Variants in DEPTOR observed in about 807,000 individuals in gnomAD.
DEPTOR encodes the protein DEP domain-containing mTOR-interacting protein.
Under a neutral mutation model 41.6 loss-of-function variants are expected in DEPTOR, and 41 were observed. The ratio of observed to expected loss-of-function variants is 0.98; its 90% confidence interval spans 0.77 to 1.28. The LOEUF (loss-of-function observed/expected upper bound fraction) is 1.28. DEPTOR is among the 50% of genes most tolerant of loss of function. The probability of loss-of-function intolerance (pLI) is 0.00; values close to 1 mark genes in which losing one functional copy is unlikely to be tolerated. For missense variants in DEPTOR, 514 were observed against 527.9 expected (o/e 0.97, Z 0.26); for synonymous variants, 195 against 192.3 (o/e 1.01, Z -0.12).
At chr8:119,890,261 C>T (rs1451319878) in intron 1 of DEPTOR, among the ~76,000 whole-genome samples, 1 of 145,108 alleles carries the variant, frequency 6.9e-6, no homozygotes, top group Non-Finnish European at 1.5e-5. Context: ...GGCAAGGTGT[C>T]CATTGTTATA....
intron 8 of DEPTOR, among the ~76,000 whole-genome samples, chr8:120,010,117 G>A (rs999071158): frequency 6.6e-6 from 1 of 151,740 alleles, no homozygotes; most frequent in Non-Finnish European, 1.5e-5. Context: ...CTACTAGCTC[G>A]TTGACTTTGA....
At chr8:119,907,355 C>G (rs2129772296) in intron 1 of DEPTOR, among the ~76,000 whole-genome samples, 1 of 152,056 alleles carries the variant, frequency 6.6e-6, no homozygotes, top group South Asian at 2.1e-4. Flanking sequence ...ATATTTTCTT[C>G]CCAGAATGAT....
At chr8:119,899,432 A>G (rs955646201) in intron 1 of DEPTOR, among the ~76,000 whole-genome samples, 3 of 152,238 alleles carry the variant, frequency 2.0e-5, no homozygotes, top group Non-Finnish European at 2.9e-5. Flanking sequence ...AATTGGACCC[A>G]AAAGGCATGC....
chr8:120,004,213 G>C (rs1812398773), intron 6 of DEPTOR, among the ~76,000 whole-genome samples: 1 of 152,194 alleles, frequency 6.6e-6, no homozygotes, highest in Non-Finnish European at 1.5e-5. Context: ...TCATCTAATG[G>C]TATTATCTAG....
rs189431411 is a variant in DEPTOR, at chr8:119,950,740, G to A, written c.426-14492G>A. ...CTCCCGAGTAGCTGGGATTACAGGC[G>A]TGCACCACTATGCCCAGCTAATTAT... On this transcript the variant is annotated intron_variant, in intron 3 of 8. Transcript: ENST00000286234. 2.7e-3 allele frequency among the ~76,000 whole-genome samples: 411 copies of A among 152,062 alleles called. 2 individuals are homozygous for A. Among genetic ancestry groups the A allele is most frequent in the African/African-American group, 8.3e-3 (346 of 41,490 alleles).
In DEPTOR at chr8:119,873,902, G is replaced by C. The variant is rs1394056927; in HGVS notation, c.56G>C (p.Ser19Thr). 1.9e-6 allele frequency: 3 copies of C among 1,613,572 alleles called. No homozygotes were observed. Among genetic ancestry groups the C allele is most frequent in the Non-Finnish European group, 2.5e-6 (3 of 1,179,846 alleles). ...GGCAGTGACAGCAGCACCAGCGGGA[G>C]TGGCGGGGCGCAGCAAAGGGAGCTG... ...SAGSDSSTSG[S>T]GGAQQRELER... Residue 19 changes from serine to threonine, a missense_variant, in exon 1 of 9, where the codon AGT (serine) becomes ACT (threonine). Ser to Thr is a moderately conservative substitution (Grantham distance 58). Transcript: ENST00000286234.
At chr8:120,032,519 C>A (rs954064810) in intron 8 of DEPTOR, among the ~76,000 whole-genome samples, 2 of 152,150 alleles carry the variant, frequency 1.3e-5, no homozygotes, top group African/African-American at 4.8e-5. Context: ...CCACACCCAG[C>A]CAACACTAAC....
Position 120,029,307 on chromosome 8 carries a change from T to C in DEPTOR, c.1101+20174T>C, listed in dbSNP as rs186311782. The stretch of plus-strand genomic sequence containing the variant: ...GACATTTTTTTAAAGAATAGGAAAA[T>C]ATCCTTCATACTATCCTGAGGAAGG... On this transcript the variant is annotated intron_variant, in intron 8 of 8. Coordinates refer to ENST00000286234, the MANE Select transcript of DEPTOR (RefSeq NM_022783.4). Among the ~76,000 whole-genome samples the C allele has an allele frequency of 1.2e-4, 19 of 152,260 alleles. No individual in the cohort carries two copies. In the East Asian group the frequency reaches 3.7e-3, roughly 29 times the overall value.
chr8:119,953,743 C>A (rs182786659), intron 3 of DEPTOR, among the ~76,000 whole-genome samples: 11 of 152,006 alleles, frequency 7.2e-5, no homozygotes, highest in African/African-American at 2.7e-4. Context: ...TGGGGTAAGA[C>A]CCTCTCTGGA....
At chr8:119,903,477 T>A (rs1214725206) in intron 1 of DEPTOR, among the ~76,000 whole-genome samples, 1 of 152,180 alleles carries the variant, frequency 6.6e-6, no homozygotes, top group East Asian at 1.9e-4. Flanking sequence ...TACTCAAACC[T>A]TGCATGGTTG....
intron 1 of DEPTOR, among the ~76,000 whole-genome samples, chr8:119,906,163 C>A (rs1245430630): frequency 6.6e-6 from 1 of 151,908 alleles, no homozygotes; most frequent in Non-Finnish European, 1.5e-5. Flanking sequence ...CACACACACA[C>A]AAATTTTGCC....
At chr8:119,933,060 G>A (rs1312721267) in intron 3 of DEPTOR, among the ~76,000 whole-genome samples, 2 of 152,098 alleles carry the variant, frequency 1.3e-5, no homozygotes, top group Non-Finnish European at 2.9e-5. Flanking sequence ...TGTAATGGGA[G>A]GCCGTTGGAG....
intron 8 of DEPTOR, among the ~76,000 whole-genome samples, chr8:120,038,487 A>T (rs1813011660): frequency 1.3e-5 from 2 of 150,450 alleles, no homozygotes; most frequent in African/African-American, 4.9e-5. Context: ...GCTACTCAGG[A>T]GGCTGAGGTG....
intron 3 of DEPTOR, among the ~76,000 whole-genome samples, chr8:119,940,670 C>T (rs934772889): frequency 9.2e-5 from 14 of 151,766 alleles, no homozygotes; most frequent in Non-Finnish European, 1.5e-4. Flanking sequence ...CACTTGAACC[C>T]GGGAGGTTGC....
At chr8:119,992,099 G>A (rs1812182907) in intron 4 of DEPTOR, among the ~76,000 whole-genome samples, 1 of 152,204 alleles carries the variant, frequency 6.6e-6, no homozygotes, top group South Asian at 2.1e-4. Context: ...CAGTTTATCT[G>A]TGATTTTGAG....
chr8:119,971,186 T>C (rs1219162073), intron 4 of DEPTOR, among the ~76,000 whole-genome samples: 3 of 147,696 alleles, frequency 2.0e-5, no homozygotes, highest in African/African-American at 7.5e-5. Context: ...TGAGCGAAGA[T>C]TGCGCCACCG....
At chr8:120,002,791 A>ATATATATATATATATATATATAT (rs1554584639) in intron 5 of DEPTOR, among the ~76,000 whole-genome samples, 186 bp from the exon 6 acceptor site, 1 of 60,668 alleles carries the variant, frequency 1.6e-5, no homozygotes, top group African/African-American at 7.6e-5. Context: ...AAAAAAAAAA[A>ATATATATATATATATATATATAT]ATATATATAT....
chr8:120,048,165 G>A (rs1362137042), intron 8 of DEPTOR, among the ~76,000 whole-genome samples: 1 of 152,174 alleles, frequency 6.6e-6, no homozygotes, highest in Non-Finnish European at 1.5e-5. Context: ...ATTTGGCAGT[G>A]CAAAAAGGCT....
intron 1 of DEPTOR, among the ~76,000 whole-genome samples, chr8:119,917,756 G>A (rs1039570432): frequency 5.9e-5 from 9 of 152,254 alleles, no homozygotes; most frequent in Admixed American, 2.0e-4. Flanking sequence ...AGGAAGGAAC[G>A]CCTCTTTGCA....
Sources: allele counts gnomAD v4.1 joint callset (sites outside exome capture counted in the v4.1 genomes callset), GRCh38; gene constraint gnomAD v4.1.1; transcripts MANE v1.5; gene names NCBI Gene and HGNC (gene_info 2026-07-23, HGNC 2026-07-21).